Variants in MICAL3 observed in about 807,000 individuals in gnomAD.
MICAL3 encodes microtubule associated monooxygenase, calponin and LIM domain containing 3, also known as [F-actin]-monooxygenase MICAL3.
In MICAL3, 62 loss-of-function variants were observed where a neutral mutation model predicts 207.4. That is an observed-to-expected ratio of 0.30 (90% CI 0.24 to 0.37). The LOEUF is 0.37. MICAL3 is among the 10% of genes least tolerant of loss of function. The probability of loss-of-function intolerance (pLI) is 1.00; values close to 1 mark genes in which losing one functional copy is unlikely to be tolerated. For missense variants in MICAL3, 2,368 were observed against 2,635.6 expected, an observed-to-expected ratio of 0.90 and a Z score of 2.22; for synonymous variants, 1,077 against 1,069.3, an observed-to-expected ratio of 1.01 and a Z score of -0.14.
intron 26 of MICAL3, 55 bp from the exon 27 acceptor site, chr22:17,816,839 C>T: frequency 7.7e-7 from 1 of 1,304,556 alleles, no homozygotes; most frequent in South Asian, 1.3e-5. Context: ...GCGCAGCCCT[C>T]TCCTGCTCCT....
At chr22:17,810,521 G>A (rs907639455) in intron 28 of MICAL3, among the ~76,000 whole-genome samples, 182 bp downstream of exon 28, 2 of 152,202 alleles carry the variant, frequency 1.3e-5, no homozygotes, top group South Asian at 4.1e-4. Context: ...TTGACTGACA[G>A]CTCCACCAAG....
In MICAL3 at chr22:17,865,953, T is replaced by C; in HGVS notation, c.2488A>G (p.Arg830Gly). ...YRLSGYAQRK[R>G]PAVAPLSGKE... is the part of the protein sequence containing the mutation. Reference sequence around the variant, plus strand: ...CCAGACAGGGGAGCCACTGCCGGTCTCTTCCTTTGTGCGTAGCCAGAGAGT... The same window carrying C: ...CCAGACAGGGGAGCCACTGCCGGTCCCTTCCTTTGTGCGTAGCCAGAGAGT... Residue 830 changes from arginine (R) to glycine (G), a missense_variant, in exon 18 of 32, where the codon AGA (arginine) becomes GGA (glycine). Coordinates refer to ENST00000441493, the MANE Select transcript of MICAL3 (RefSeq NM_015241.3). 6.2e-7 allele frequency: 1 copy of C among 1,614,000 alleles called. No homozygotes were observed. The highest frequency in any genetic ancestry group is 8.5e-7 in the Non-Finnish European group (1 of 1,179,842).
rs994949688 is a variant in MICAL3 at position 17,981,376 on chromosome 22, A to C, written c.-75+42905T>G. ...CAAAAGTGAAAGAAAGAAGATAAAG[A>C]TCAATCATGATATAAGCAACTTCTC... On this transcript the variant is annotated intron_variant, in intron 1 of 31. Coordinates refer to ENST00000441493, the MANE Select transcript of MICAL3 (RefSeq NM_015241.3). Among the ~76,000 whole-genome samples the C allele has an allele frequency of 3.9e-5, 6 of 152,256 alleles. No individual in the cohort carries two copies. The East Asian group carries it at 1.2e-3, about 29-fold the overall frequency.
chr22:17,856,770 C>T (rs750161000), intron 19 of MICAL3, among the ~76,000 whole-genome samples: 19 of 151,874 alleles, frequency 1.3e-4, no homozygotes, highest in Non-Finnish European at 2.5e-4. Flanking sequence ...TACAGGCGCC[C>T]GCCACCGCGC....
intron 29 of MICAL3, among the ~76,000 whole-genome samples, chr22:17,797,979 C>T (rs2061894829): frequency 6.6e-6 from 1 of 152,198 alleles, no homozygotes; most frequent in African/African-American, 2.4e-5. Context: ...GCACCATCAC[C>T]ACAGAGCTGG....
chr22:17,867,753 G>T (rs1424536546), intron 17 of MICAL3, among the ~76,000 whole-genome samples: 1 of 152,240 alleles, frequency 6.6e-6, no homozygotes, highest in Non-Finnish European at 1.5e-5. Flanking sequence ...CTGCTCTCTG[G>T]ATGGAAGCTA....
chr22:17,822,247 C>G, intron 23 of MICAL3, 77 bp from the exon 24 acceptor site: 1 of 1,514,214 alleles, frequency 6.6e-7, no homozygotes, highest in South Asian at 1.3e-5. Flanking sequence ...AGCAGCCGCG[C>G]CACTTGCTCA....
chr22:17,862,142 T>C, intron 19 of MICAL3: 3 of 985,352 alleles, frequency 3.0e-6, no homozygotes, highest in Non-Finnish European at 3.6e-6. Flanking sequence ...TCAAGTGCCG[T>C]CATCATCGCC....
intron 27 of MICAL3, chr22:17,815,512 G>C (rs191893474): frequency 5.0e-4 from 76 of 152,442 alleles, no homozygotes; most frequent in African/African-American, 1.7e-3. Flanking sequence ...GGAATTCTCA[G>C]CTCAGCCCCA....
intron 1 of MICAL3, chr22:18,001,237 C>A (rs1205012066): frequency 2.6e-5 from 4 of 151,976 alleles, no homozygotes; most frequent in Non-Finnish European, 5.9e-5. Context: ...ACTGCCCGGG[C>A]GGGAGGCTCG....
chr22:17,798,276 C>T (rs1414577524), intron 29 of MICAL3, among the ~76,000 whole-genome samples: 1 of 152,240 alleles, frequency 6.6e-6, no homozygotes, highest in African/African-American at 2.4e-5. Flanking sequence ...AGGCTGGCCC[C>T]ACACCCTCCC....
chr22:17,907,251 A>G (rs528222137), intron 1 of MICAL3, among the ~76,000 whole-genome samples: 1 of 152,230 alleles, frequency 6.6e-6, no homozygotes, highest in East Asian at 1.9e-4. Flanking sequence ...CGAGCCTCTG[A>G]GAGGTGACAG....
chr22:18,007,979 G>A (rs1221561536), intron 1 of MICAL3, among the ~76,000 whole-genome samples: 4 of 141,232 alleles, frequency 2.8e-5, no homozygotes, highest in South Asian at 4.6e-4. Flanking sequence ...GGTGGTTCCC[G>A]CCTGTAATCT....
chr22:17,868,629 G>A (rs1236816930), intron 17 of MICAL3, among the ~76,000 whole-genome samples: 6 of 152,198 alleles, frequency 3.9e-5, no homozygotes, highest in African/African-American at 1.4e-4. Context: ...TGAATTGTGG[G>A]TGATTCAGTC....
At position 17,790,133 on chromosome 22, in the gene MICAL3, G is replaced by A. The variant is rs1021868404; in HGVS notation, c.*599C>T. ...GGCCACTTAGGGTCCAGTGTGTGGTGTTCGGCTGGAGGGCAGACCCCTCCT... is the reference window on the plus strand; with the variant it reads ...GGCCACTTAGGGTCCAGTGTGTGGTATTCGGCTGGAGGGCAGACCCCTCCT... On this transcript the variant is annotated 3_prime_UTR_variant, in exon 32 of 32. Transcript: ENST00000441493. The A allele has an allele frequency of 1.3e-5, 2 of 152,418 alleles. No individual in the cohort carries two copies. The highest frequency in any genetic ancestry group is 2.9e-5 in the Non-Finnish European group (2 of 68,260). The allele number at this position is 152,418 out of a possible 1,614,324, so 9.4% of individuals were successfully genotyped here. A position where few individuals can be genotyped will look rare whatever the true frequency, so the allele number is the denominator to read the frequency against.
rs374332101 is a variant in MICAL3 at position 17,958,733 on chromosome 22, C to T, written c.-74-51847G>A. ...TTTTTTTTCTTTTGAGACAGAGTTT[C>T]GCTCTTGTTGCCCAGGCCAGAGTGC... On this transcript the variant is annotated intron_variant, in intron 1 of 31. Transcript: ENST00000441493. Among the ~76,000 whole-genome samples, 686 of 148,488 alleles carry T rather than the reference C, an allele frequency of 4.6e-3. 4 individuals carry two copies. The highest frequency in any genetic ancestry group is 7.1e-3 in the Non-Finnish European group (482 of 67,496).
At position 17,901,934 on chromosome 22, in the gene MICAL3, G is replaced by T; in HGVS notation, c.635C>A (p.Ser212Ter). The change falls in exon 5 of 32, where the codon TCA (serine) becomes TAA (stop). Residue 212 changes from serine to a stop codon, truncating the protein, a stop_gained. Transcript: ENST00000441493. LOFTEE classifies it high-confidence loss of function. ...ALVHPKTHPV[S>*]EYEFEVIIGG... ...GATGATCACTTCAAATTCATACTCTGACACAGGATGAGTCTTGGGGTGCAC... is the reference window on the plus strand; with the variant it reads ...GATGATCACTTCAAATTCATACTCTTACACAGGATGAGTCTTGGGGTGCAC... The T allele has an allele frequency of 6.2e-7, 1 of 1,613,764 alleles. No individual in the cohort carries two copies. The highest frequency in any genetic ancestry group is 8.5e-7 in the Non-Finnish European group (1 of 1,179,828).
At chr22:17,909,361 C>G (rs1402293302) in intron 1 of MICAL3, among the ~76,000 whole-genome samples, 4 of 151,990 alleles carry the variant, frequency 2.6e-5, no homozygotes, top group Admixed American at 2.6e-4. Context: ...CTATCTCTAC[C>G]AAAAAATACA....
intron 7 of MICAL3, among the ~76,000 whole-genome samples, chr22:17,898,920 G>T (rs5992895): frequency 2.6e-5 from 4 of 151,978 alleles, no homozygotes; most frequent in Admixed American, 6.5e-5. Context: ...AAACTGTATC[G>T]GCAGTGACAC....
Sources: allele counts gnomAD v4.1 joint callset (sites outside exome capture counted in the v4.1 genomes callset), GRCh38; gene constraint gnomAD v4.1.1; transcripts MANE v1.5; gene names NCBI Gene and HGNC (gene_info 2026-07-23, HGNC 2026-07-21).